TNIP1: variants seen among roughly 807,000 people sequenced by gnomAD.
TNIP1 encodes the protein TNFAIP3-interacting protein 1.
Under a neutral mutation model 86.6 loss-of-function variants are expected in TNIP1, and 22 were observed. The observed-to-expected ratio is 0.25, with a 90% CI of 0.18 to 0.36. The LOEUF is 0.36. Among genes scored for constraint, TNIP1 ranks in the 10% least tolerant of loss-of-function variants. The pLI is 1.00. For missense variants in TNIP1, 709 were observed against 820.6 expected, an observed-to-expected ratio of 0.86 and a Z score of 1.66; for synonymous variants, 294 against 313.0, an observed-to-expected ratio of 0.94 and a Z score of 0.64.
intron 5 of TNIP1, among the ~76,000 whole-genome samples, chr5:151,059,779 CAGAGAG>C (rs55637016): frequency 0.049 from 3,311 of 67,232 alleles, 32 homozygotes; most frequent in Admixed American, 0.064. Flanking sequence ...GTACGAGAGA[CAGAGAG>C]AGAGAGAGAG....
rs1461971459 is a variant in TNIP1, at chr5:151,036,812, T to C, written c.1373A>G (p.Gln458Arg). 6.2e-7 allele frequency: 1 copy of C among 1,614,028 alleles called. No homozygotes were observed. Residue 458 changes from glutamine to arginine, a missense_variant, in exon 13 of 18, where the codon CAG (glutamine) becomes CGG (arginine). Physicochemically the swap from Gln to Arg is conservative, Grantham distance 43. Transcript: ENST00000521591. ...CACCTGCTGTTTCAGCAACTCATTC[T>C]GCGTGACCAGCTCCTGTTTCCTTAG... The part of the protein sequence containing the change: ...ALLRKQELVT[Q>R]NELLKQQVKI...
upstream of TNIP1, among the ~76,000 whole-genome samples, chr5:151,081,319 C>T (rs1416381182): frequency 2.0e-5 from 3 of 152,316 alleles, no homozygotes; most frequent in Middle Eastern, 3.4e-3. Context: ...CTGGGGCCAC[C>T]TTGAAAGCCG....
At chr5:151,037,799 G>C (rs540203090) in intron 12 of TNIP1, among the ~76,000 whole-genome samples, 2 of 152,154 alleles carry the variant, frequency 1.3e-5, no homozygotes, top group African/African-American at 2.4e-5. Flanking sequence ...ACTTGGACTC[G>C]GGCTTCCACC....
intron 4 of TNIP1, among the ~76,000 whole-genome samples, chr5:151,060,829 C>T (rs1004504797): frequency 6.6e-6 from 1 of 152,212 alleles, no homozygotes. Context: ...GGATTGAACC[C>T]AAGACTGCAG....
intron 17 of TNIP1, 85 bp downstream of exon 17, chr5:151,032,202 G>T: frequency 1.6e-6 from 2 of 1,212,296 alleles, no homozygotes; most frequent in South Asian, 1.4e-5. Flanking sequence ...AGAAACTAAC[G>T]ACATCACCCC....
chr5:151,081,255 G>C (rs1023095808), upstream of TNIP1, among the ~76,000 whole-genome samples: 2 of 152,036 alleles, frequency 1.3e-5, no homozygotes, highest in African/African-American at 4.8e-5. Context: ...CCACCGTCCC[G>C]GGCCTGCGCG....
intron 11 of TNIP1, among the ~76,000 whole-genome samples, chr5:151,041,825 G>C (rs138156138): frequency 1.3e-5 from 2 of 152,110 alleles, no homozygotes; most frequent in Non-Finnish European, 2.9e-5. Context: ...GGGATGAATG[G>C]ATAAATGAAG....
At chr5:151,065,340 G>A (rs764177917) in intron 1 of TNIP1, among the ~76,000 whole-genome samples, 24 of 152,150 alleles carry the variant, frequency 1.6e-4, no homozygotes, top group Non-Finnish European at 1.3e-4. Context: ...GTTTCTCTTA[G>A]CAGCCTCAAT....
chr5:151,032,017 A>G, intron 17 of TNIP1: 1 of 437,200 alleles, frequency 2.3e-6, no homozygotes, highest in Non-Finnish European at 4.1e-6. Flanking sequence ...ATTACGCTGT[A>G]TAAGGGCAAG....
At chr5:151,048,516 G>A (rs1759478029) in intron 8 of TNIP1, among the ~76,000 whole-genome samples, 1 of 152,132 alleles carries the variant, frequency 6.6e-6, no homozygotes, top group Non-Finnish European at 1.5e-5. Context: ...AGGCACACTC[G>A]TCGCCCCTCT....
In TNIP1 at chr5:151,033,734, G is replaced by A; in HGVS notation, c.1653C>T (p.Ala551=). 1 of 1,362,018 alleles carries A rather than the reference G, an allele frequency of 7.3e-7. No individual in the cohort carries two copies. 84.4% of individuals were successfully genotyped at this position (1,362,018 alleles called of 1,614,324 possible). ...PEHLCGAYPY[A]YPPMPAMVPH... is the part of the protein sequence containing the mutation. ...GCACCATGGCTGGCATGGGCGGGTA[G>A]GCGTAGGGGTAGGCCCCGCAGAGAT... The change falls in exon 16 of 18, where the codon GCC becomes GCT. Residue 551 remains alanine, a synonymous_variant. Coordinates refer to ENST00000521591, the MANE Select transcript of TNIP1 (RefSeq NM_006058.5).
At chr5:151,051,046 C>A (rs1045074833) in intron 7 of TNIP1, among the ~76,000 whole-genome samples, 6 of 152,144 alleles carry the variant, frequency 3.9e-5, no homozygotes, top group African/African-American at 1.4e-4. Context: ...ATGACTTTCC[C>A]AAGGTCATAC....
chr5:151,069,808 TC>T (rs1479327155), intron 1 of TNIP1, among the ~76,000 whole-genome samples: 1 of 152,122 alleles, frequency 6.6e-6, no homozygotes, highest in Non-Finnish European at 1.5e-5. Context: ...ATGGGCTCAT[TC>T]CCTCACATGC....
upstream of TNIP1, among the ~76,000 whole-genome samples, chr5:151,082,680 G>A (rs541473706): frequency 5.3e-4 from 80 of 152,130 alleles, 1 homozygote; most frequent in Middle Eastern, 3.4e-3. Context: ...GGCCTTAGCC[G>A]GGCAGACAGT....
intron 1 of TNIP1, among the ~76,000 whole-genome samples, chr5:151,074,206 G>A (rs1260389240): frequency 6.6e-6 from 1 of 151,948 alleles, no homozygotes; most frequent in Non-Finnish European, 1.5e-5. Context: ...ATAATCATGT[G>A]CTATTTGGTA....
chr5:151,055,475 G>C (rs1295598388), intron 6 of TNIP1, among the ~76,000 whole-genome samples: 1 of 152,154 alleles, frequency 6.6e-6, no homozygotes, highest in Non-Finnish European at 1.5e-5. Flanking sequence ...CCTTGCCAGG[G>C]TTCAGCCTGG....
chr5:151,057,021 T>C (rs757212839), intron 5 of TNIP1, 64 bp from the exon 6 acceptor site: 21 of 1,322,790 alleles, frequency 1.6e-5, no homozygotes, highest in Non-Finnish European at 2.0e-5. Context: ...CGCCAGTCCA[T>C]TCTCCCTCTG....
intron 5 of TNIP1, 130 bp downstream of exon 5, chr5:151,060,180 TCCTGCCCC>T (rs1761363005): frequency 1.2e-6 from 1 of 829,838 alleles, no homozygotes; most frequent in Non-Finnish European, 1.9e-6. Context: ...CACCCTTTGC[TCCTGCCCC>T]TCGTGTATCC....
intron 5 of TNIP1, among the ~76,000 whole-genome samples, chr5:151,059,805 GAGAGAGA>G (rs1761178536): frequency 2.2e-4 from 25 of 112,126 alleles, no homozygotes; most frequent in African/African-American, 1.1e-3. Context: ...GAGAGAGAGA[GAGAGAGA>G]GAGAGAGAGA....
Sources: allele counts gnomAD v4.1 joint callset (sites outside exome capture counted in the v4.1 genomes callset), GRCh38; gene constraint gnomAD v4.1.1; transcripts MANE v1.5; gene names NCBI Gene and HGNC (gene_info 2026-07-23, HGNC 2026-07-21).